CNDP1: variants seen among roughly 807,000 people sequenced by gnomAD.
CNDP1 encodes the protein carnosine dipeptidase 1, also known as beta-Ala-His dipeptidase.
A neutral mutation model predicts 58.1 loss-of-function variants in CNDP1; 44 were observed. That is an observed-to-expected ratio of 0.76 (90% CI 0.60 to 0.97). The LOEUF (loss-of-function observed/expected upper bound fraction) is 0.97, where lower values mean the gene tolerates loss of function less well. Ranked by LOEUF, CNDP1 falls within the 50% of genes least tolerant of loss-of-function variation. The pLI is 0.00. For missense variants in CNDP1, 616 were observed against 655.1 expected, an observed-to-expected ratio of 0.94 and a Z score of 0.65; for synonymous variants, 254 against 252.6, an observed-to-expected ratio of 1.01 and a Z score of -0.05.
At chr18:74,566,720 T>G (rs1220017375) in intron 5 of CNDP1, among the ~76,000 whole-genome samples, 1 of 152,258 alleles carries the variant, frequency 6.6e-6, no homozygotes, top group Non-Finnish European at 1.5e-5. Flanking sequence ...GTTCCAAACT[T>G]TCCACATTTT....
chr18:74,567,161 T>A (rs1981349726), intron 5 of CNDP1, 72 bp from the exon 6 acceptor site: 1 of 1,214,486 alleles, frequency 8.2e-7, no homozygotes, highest in African/African-American at 1.5e-5. Context: ...CAATTCAAGT[T>A]GAGATTTGGT....
intron 10 of CNDP1, 142 bp downstream of exon 10, chr18:74,580,413 C>G (rs1981759962): frequency 2.5e-6 from 2 of 811,228 alleles, no homozygotes; most frequent in Non-Finnish European, 3.9e-6. Context: ...GAATGCATGC[C>G]ATGTGCAGGG....
intron 1 of CNDP1, among the ~76,000 whole-genome samples, chr18:74,538,091 G>A (rs577502263): frequency 6.6e-6 from 1 of 152,158 alleles, no homozygotes; most frequent in Non-Finnish European, 1.5e-5. Context: ...GTGGCTTTTA[G>A]TATATTCACT....
intron 5 of CNDP1, among the ~76,000 whole-genome samples, chr18:74,566,959 C>T (rs140909646): frequency 2.6e-5 from 4 of 152,252 alleles, no homozygotes; most frequent in African/African-American, 4.8e-5. Flanking sequence ...CTCAGAATCA[C>T]GACAGGAGGC....
chr18:74,579,188 T>G (rs9948659), intron 9 of CNDP1, among the ~76,000 whole-genome samples: 50,545 of 118,076 alleles, frequency 0.43, 10,461 homozygotes, highest in Admixed American at 0.56. Context: ...CTTCTCCCTT[T>G]CCTTCCCTTC....
chr18:74,562,026 A>G (rs777300476), intron 4 of CNDP1, 21 bp from the exon 5 acceptor site: 88 of 1,609,546 alleles, frequency 5.5e-5, no homozygotes, highest in Non-Finnish European at 7.2e-5. Flanking sequence ...TTCTCTGAAC[A>G]TTCTTCTCCC....
At chr18:74,544,960 A>G (rs530613242) in intron 1 of CNDP1, among the ~76,000 whole-genome samples, 1 of 152,254 alleles carries the variant, frequency 6.6e-6, no homozygotes, top group South Asian at 2.1e-4. Flanking sequence ...AGAGACACAG[A>G]AAGAGGCTGG....
At chr18:74,558,566 T>C (rs1981103351) in intron 2 of CNDP1, among the ~76,000 whole-genome samples, 1 of 151,886 alleles carries the variant, frequency 6.6e-6, no homozygotes, top group Admixed American at 6.6e-5. Flanking sequence ...GGCTAATTTT[T>C]TGTGTTTTTA....
chr18:74,584,021 C>T (rs530591615), intron 11 of CNDP1: 63 of 348,958 alleles, frequency 1.8e-4, no homozygotes, highest in African/African-American at 9.1e-4. Context: ...ATTTTAACCT[C>T]ATTTAACCTT....
At chr18:74,565,597 T>C (rs1479622589) in intron 5 of CNDP1, among the ~76,000 whole-genome samples, 1 of 152,178 alleles carries the variant, frequency 6.6e-6, no homozygotes, top group Non-Finnish European at 1.5e-5. Flanking sequence ...GCTCCAAAAT[T>C]ATCTCCTTTG....
intron 1 of CNDP1, among the ~76,000 whole-genome samples, chr18:74,535,695 A>C (rs949585188): frequency 3.3e-5 from 5 of 151,696 alleles, no homozygotes; most frequent in African/African-American, 1.2e-4. Context: ...GTGTCATGAT[A>C]GTATCTATTC....
chr18:74,544,428 A>G (rs1384563330), intron 1 of CNDP1, among the ~76,000 whole-genome samples: 2 of 152,168 alleles, frequency 1.3e-5, no homozygotes, highest in African/African-American at 4.8e-5. Context: ...TTATATAGTG[A>G]TAAGAAGGCC....
At chr18:74,580,304 T>C (rs1457695505) in intron 10 of CNDP1, 33 bp downstream of exon 10, 1 of 1,612,056 alleles carries the variant, frequency 6.2e-7, no homozygotes, top group South Asian at 1.1e-5. Flanking sequence ...CTGGCCAATC[T>C]GCACTGGGAC....
chr18:74,571,057 A>T, intron 6 of CNDP1, 129 bp from the exon 7 acceptor site: 1 of 614,170 alleles, frequency 1.6e-6, no homozygotes, highest in Non-Finnish European at 2.9e-6. Flanking sequence ...CAGAAAGTGA[A>T]GTCAGGTCTG....
At chr18:74,577,786 G>A (rs1177011072) in intron 8 of CNDP1, 12 of 167,730 alleles carry the variant, frequency 7.2e-5, no homozygotes, top group Non-Finnish European at 1.3e-4. Context: ...AGTTATTATT[G>A]TAATTTGGGG....
At chr18:74,569,234 G>A (rs1981407206) in intron 6 of CNDP1, among the ~76,000 whole-genome samples, 1 of 152,110 alleles carries the variant, frequency 6.6e-6, no homozygotes, top group Non-Finnish European at 1.5e-5. Flanking sequence ...ATGCTAAAGT[G>A]ACCATACCGA....
chr18:74,561,744 G>A (rs762181872), intron 4 of CNDP1: 2 of 245,100 alleles, frequency 8.2e-6, no homozygotes, highest in South Asian at 6.3e-5. Context: ...GGGTCTCTCC[G>A]GTGAACTTGG....
chr18:74,576,483 T>C (rs1356633904), intron 7 of CNDP1: 1 of 162,546 alleles, frequency 6.2e-6, no homozygotes, highest in African/African-American at 2.4e-5. Context: ...AAATGTTTTA[T>C]AATGAACACA....
intron 1 of CNDP1, among the ~76,000 whole-genome samples, chr18:74,535,216 ACAAG>A (rs1425373331): frequency 1.3e-5 from 2 of 152,182 alleles, no homozygotes; most frequent in Non-Finnish European, 2.9e-5. Flanking sequence ...CTCTAGGAAA[ACAAG>A]CAGGCAGGTA....
Sources: gnomAD v4.1 joint callset for allele counts (sites outside exome capture counted in the v4.1 genomes callset) on GRCh38, gnomAD v4.1.1 for gene constraint, MANE v1.5 for transcripts, NCBI Gene and HGNC (gene_info 2026-07-23, HGNC 2026-07-21) for gene names.